Variants in TUT7 observed in about 807,000 individuals in gnomAD.
TUT7 encodes terminal uridylyl transferase 7.
TUT7 carries 33 observed loss-of-function variants against 165.9 expected under a neutral mutation model. That is an observed-to-expected ratio of 0.20 (90% confidence interval 0.15 to 0.27). The LOEUF is 0.27. Among genes scored for constraint, TUT7 ranks in the 10% least tolerant of loss-of-function variants. The pLI, the probability that TUT7 is intolerant of heterozygous loss-of-function variation, is 1.00. For synonymous variants in TUT7, 552 were observed against 608.1 expected (o/e 0.91, Z 1.36); for missense variants, 1,338 against 1,762.3 (o/e 0.76, Z 4.31).
chr9:86,330,013 A>AT (rs1830168926), intron 10 of TUT7, among the ~76,000 whole-genome samples: 1 of 152,098 alleles, frequency 6.6e-6, no homozygotes, highest in Non-Finnish European at 1.5e-5. Context: ...CTCTTGCCCC[A>AT]ATTGGATGTA....
At chr9:86,346,621 TG>T in intron 2 of TUT7, 141 bp from the exon 3 acceptor site, 1 of 805,496 alleles carries the variant, frequency 1.2e-6, no homozygotes, top group Non-Finnish European at 1.9e-6. Flanking sequence ...AGCTGTCCTA[TG>T]GACAAAATGC....
At chr9:86,334,698 G>A (rs965241752) in intron 10 of TUT7, among the ~76,000 whole-genome samples, 3 of 152,114 alleles carry the variant, frequency 2.0e-5, no homozygotes, top group Non-Finnish European at 4.4e-5. Flanking sequence ...TCAGGAGTTG[G>A]GCAGAGACAT....
Position 86,323,157 on chromosome 9 carries a change from T to C in TUT7, c.2593A>G (p.Asn865Asp), listed in dbSNP as rs370511325. ...ATGCCATCTTCATCTTCCCTTTGGT[T>C]AATGGTGAGCCTAGGTTCTTCTTCC... The part of the protein sequence containing the change: ...EEEEEPRLTI[N>D]QREDEDGMAN... The change falls in exon 13 of 27, where the codon AAC becomes GAC. Residue 865 changes from asparagine to aspartate, a missense_variant. Around this residue, in one of 7 missense-constraint regions of TUT7, gnomAD observed 425 missense variants for 474.9 expected, o/e 0.89. Coordinates refer to ENST00000375963, the MANE Select transcript of TUT7 (RefSeq NM_024617.4). 5.2e-5 allele frequency: 84 copies of C among 1,614,176 alleles called. 1 individual carries two copies. The Middle Eastern group carries it at 2.6e-3, about 51-fold the overall frequency.
chr9:86,323,150 C>T lies in TUT7; in HGVS notation c.2600G>A (p.Arg867Lys), dbSNP rs1200692884. ...ATTAGCCATGCCATCTTCATCTTCC[C>T]TTTGGTTAATGGTGAGCCTAGGTTC... ...EEEPRLTINQ[R>K]EDEDGMANED... The change falls in exon 13 of 27, where the codon AGG (arginine) becomes AAG (lysine). Residue 867 changes from arginine to lysine, a missense_variant. By Grantham distance (26) the Arg-to-Lys change is conservative. Transcript: ENST00000375963. The T allele has an allele frequency of 6.2e-7, 1 of 1,614,130 alleles. No individual in the cohort carries two copies. The highest frequency in any genetic ancestry group is 8.5e-7 in the Non-Finnish European group (1 of 1,180,028).
intron 7 of TUT7, 28 bp from the exon 8 acceptor site, chr9:86,340,133 G>A: frequency 6.3e-7 from 1 of 1,585,168 alleles, no homozygotes; most frequent in Non-Finnish European, 8.7e-7. Flanking sequence ...AAAATATTAA[G>A]TTGGTTAATT....
chr9:86,319,209 G>T, intron 15 of TUT7, 151 bp from the exon 16 acceptor site: 1 of 591,586 alleles, frequency 1.7e-6, no homozygotes, highest in Non-Finnish European at 2.9e-6. Flanking sequence ...GGTCATTTAT[G>T]CTAAAGTCTT....
At chr9:86,296,143 T>C (rs1326162105) in intron 26 of TUT7, among the ~76,000 whole-genome samples, 2 of 152,154 alleles carry the variant, frequency 1.3e-5, no homozygotes, top group African/African-American at 4.8e-5. Context: ...TATTGAGTGA[T>C]GAGATGTGTC....
chr9:86,322,225 C>G, intron 14 of TUT7, 100 bp downstream of exon 14: 1 of 1,102,052 alleles, frequency 9.1e-7, no homozygotes, highest in Non-Finnish European at 1.3e-6. Context: ...GACTTGGTCC[C>G]TAATAATGTT....
At chr9:86,293,998 G>A (rs921019459) in intron 26 of TUT7, among the ~76,000 whole-genome samples, 1 of 152,126 alleles carries the variant, frequency 6.6e-6, no homozygotes, top group Non-Finnish European at 1.5e-5. Flanking sequence ...CACCCGCCTC[G>A]GTGTCTCAAA....
intron 17 of TUT7, among the ~76,000 whole-genome samples, chr9:86,316,750 T>C (rs1045907626): frequency 7.2e-5 from 11 of 152,196 alleles, no homozygotes; most frequent in African/African-American, 2.2e-4. Context: ...ATATTGCAAT[T>C]ATTCTATGAA....
chr9:86,350,157 C>T (rs1195439411), intron 2 of TUT7, among the ~76,000 whole-genome samples: 3 of 151,998 alleles, frequency 2.0e-5, no homozygotes, highest in African/African-American at 7.3e-5. Flanking sequence ...ATGCTAAAAC[C>T]CCAACTCTAC....
intron 26 of TUT7, among the ~76,000 whole-genome samples, chr9:86,293,175 C>T (rs931148948): frequency 1.3e-5 from 2 of 151,854 alleles, no homozygotes; most frequent in South Asian, 2.1e-4. Context: ...TAAACTGGGC[C>T]GGGTGGAGTG....
At position 86,335,787 on chromosome 9, in the gene TUT7, G is replaced by A. The variant is rs145161992; in HGVS notation, c.1455+1632C>T. Among the ~76,000 whole-genome samples, 23 of 152,200 alleles carry A rather than the reference G, an allele frequency of 1.5e-4. 1 individual carries two copies. Among genetic ancestry groups the A allele is most frequent in the African/African-American group, 3.9e-4 (16 of 41,538 alleles). Reference sequence around the variant, plus strand: ...TAACTAGTTTAAAATGCTGAACACCGCAGGATCATTTTGGTTCGGGTGGTA... The same window carrying A: ...TAACTAGTTTAAAATGCTGAACACCACAGGATCATTTTGGTTCGGGTGGTA... On this transcript the variant is annotated intron_variant, in intron 10 of 26. Transcript: ENST00000375963.
intron 26 of TUT7, among the ~76,000 whole-genome samples, chr9:86,292,607 TAAA>T (rs756543899): frequency 1.5e-5 from 2 of 129,796 alleles, no homozygotes; most frequent in Admixed American, 8.0e-5. Flanking sequence ...GGTCTTTTAT[TAAA>T]AAAAAAAAAA....
In TUT7 at chr9:86,312,456, C is replaced by A. The variant is rs557927233; in HGVS notation, c.3275-1647G>T. 2.0e-3 allele frequency among the ~76,000 whole-genome samples: 307 copies of A among 151,980 alleles called. 1 individual carries two copies. The highest frequency in any genetic ancestry group is 8.0e-3 in the Admixed American group (122 of 15,256). On this transcript the variant is annotated intron_variant, in intron 17 of 26. Coordinates refer to ENST00000375963, the MANE Select transcript of TUT7 (RefSeq NM_024617.4). ...CCCGTCTGGGAAGTGAGGAGCGTCT[C>A]CACCCGGCAGCCACCCCATCCGGGA...
At chr9:86,301,026 C>A (rs1472639731) in intron 26 of TUT7, among the ~76,000 whole-genome samples, 2 of 152,206 alleles carry the variant, frequency 1.3e-5, no homozygotes, top group African/African-American at 4.8e-5. Flanking sequence ...ATTACACTTT[C>A]ACCTCACTGA....
At chr9:86,346,764 G>A (rs911788342) in intron 2 of TUT7, among the ~76,000 whole-genome samples, 1 of 152,064 alleles carries the variant, frequency 6.6e-6, no homozygotes, top group Non-Finnish European at 1.5e-5. Flanking sequence ...GTATACTGCT[G>A]AGCATAGCAA....
At chr9:86,300,943 A>G (rs1207389352) in intron 26 of TUT7, among the ~76,000 whole-genome samples, 2 of 152,238 alleles carry the variant, frequency 1.3e-5, no homozygotes, top group Non-Finnish European at 2.9e-5. Context: ...ACAAGTACAT[A>G]TATCAAGTAG....
At chr9:86,325,890 TCA>T (rs1226953912) in intron 11 of TUT7, among the ~76,000 whole-genome samples, 1 of 152,070 alleles carries the variant, frequency 6.6e-6, no homozygotes, top group Non-Finnish European at 1.5e-5. Flanking sequence ...ACCTTTACAG[TCA>T]CAGACACACA....
Sources: allele counts gnomAD v4.1 joint callset (sites outside exome capture counted in the v4.1 genomes callset), GRCh38; gene constraint gnomAD v4.1.1; regional missense constraint gnomAD v4.1.1; transcripts MANE v1.5; gene names NCBI Gene and HGNC (gene_info 2026-07-23, HGNC 2026-07-21).